DMD: variants seen among roughly 807,000 people sequenced by gnomAD.
DMD encodes dystrophin, also known as mutant dystrophin.
In DMD, 63 loss-of-function variants were observed where a neutral mutation model predicts 330.1. The observed-to-expected ratio is 0.19, with a 90% CI of 0.16 to 0.24. The LOEUF (loss-of-function observed/expected upper bound fraction) is 0.24, where lower values mean the gene tolerates loss of function less well. Among genes scored for constraint, DMD ranks in the 10% least tolerant of loss-of-function variants. The pLI is 1.00. For synonymous variants in DMD, 1,223 were observed against 959.8 expected (o/e 1.27, Z -5.07); for missense variants, 3,344 against 2,684.1 (o/e 1.25, Z -5.43).
chrX:31,683,310 A>G (rs932878039), intron 52 of DMD, among the ~76,000 whole-genome samples: 1 of 112,259 alleles, frequency 8.9e-6, no homozygotes, highest in African/African-American at 3.2e-5. Flanking sequence ...GGAAAACAAA[A>G]GGGTTTAAGA....
At chrX:31,579,039 G>C (rs4490987) in intron 55 of DMD, among the ~76,000 whole-genome samples, 1 of 111,719 alleles carries the variant, frequency 9.0e-6, no homozygotes, top group Non-Finnish European at 1.9e-5. Flanking sequence ...AGGCAGCTTA[G>C]AGTCTTCGGC....
At chrX:33,268,586 A>AC (rs1285293909) in intron 1 of DMD, among the ~76,000 whole-genome samples, 1 of 112,101 alleles carries the variant, frequency 8.9e-6, no homozygotes, top group Non-Finnish European at 1.9e-5. Flanking sequence ...GAAAAGCAAA[A>AC]CCACAATGAG....
At chrX:32,809,174 A>G (rs1458063561) in intron 7 of DMD, among the ~76,000 whole-genome samples, 1 of 111,942 alleles carries the variant, frequency 8.9e-6, no homozygotes, top group African/African-American at 3.2e-5. Flanking sequence ...TGGTAGCATA[A>G]GCAAAACATT....
chrX:32,905,325 A>C (rs939664542), intron 2 of DMD, among the ~76,000 whole-genome samples: 3 of 112,213 alleles, frequency 2.7e-5, no homozygotes, highest in Non-Finnish European at 5.6e-5. Context: ...TCCCCTTAGC[A>C]AAGAATCTAT....
intron 57 of DMD, among the ~76,000 whole-genome samples, chrX:31,493,888 G>A (rs749941885): frequency 1.4e-4 from 16 of 111,223 alleles, no homozygotes; most frequent in South Asian, 3.8e-4. Context: ...GGCCAGGTGC[G>A]GTGGCTCACG....
At chrX:31,792,728 G>C (rs1274683949) in intron 50 of DMD, among the ~76,000 whole-genome samples, 2 of 111,784 alleles carry the variant, frequency 1.8e-5, no homozygotes, top group East Asian at 5.7e-4. Flanking sequence ...GAGTGCATGA[G>C]CACTGGAGCA....
intron 18 of DMD, chrX:32,517,768 T>C: frequency 2.3e-6 from 1 of 431,762 alleles, no homozygotes; most frequent in Non-Finnish European, 4.1e-6. Flanking sequence ...AGTTAAATAA[T>C]ATGTAAGTTA....
chrX:31,351,523 C>T (rs1354586369), intron 60 of DMD, among the ~76,000 whole-genome samples: 4 of 109,064 alleles, frequency 3.7e-5, no homozygotes, highest in Non-Finnish European at 3.8e-5. Context: ...GTCAGGAGTT[C>T]GAGACCGGTC....
chrX:31,570,427 C>A (rs1478614420), intron 55 of DMD, among the ~76,000 whole-genome samples: 2 of 111,055 alleles, frequency 1.8e-5, no homozygotes, highest in Non-Finnish European at 3.8e-5. Context: ...ATTCTATTAT[C>A]TGGAAGTAAG....
chrX:32,192,392 C>A (rs988568301), intron 44 of DMD, among the ~76,000 whole-genome samples: 3 of 111,653 alleles, frequency 2.7e-5, no homozygotes, highest in African/African-American at 9.8e-5. Flanking sequence ...TGGCTAACCA[C>A]ATCTCTCAGC....
intron 61 of DMD, among the ~76,000 whole-genome samples, chrX:31,333,222 GAAAT>G (rs926522828): frequency 4.5e-5 from 5 of 110,890 alleles, no homozygotes; most frequent in African/African-American, 1.6e-4. Context: ...AATATTTTTA[GAAAT>G]AAATAAAACA....
In DMD at chrX:32,457,653, G is replaced by A. The variant is rs902262565; in HGVS notation, c.3433-2821C>T. ...TGAGCTTATATGCAGGTCAGTGGGA[G>A]TACTGCAACTTCTATTCTGATTGCT... On this transcript the variant is annotated intron_variant, in intron 25 of 78. Coordinates refer to ENST00000357033, the MANE Select transcript of DMD (RefSeq NM_004006.3). Among the ~76,000 whole-genome samples the A allele has an allele frequency of 4.6e-5, 5 of 109,385 alleles. No homozygotes were observed. In the East Asian group the frequency reaches 1.4e-3, roughly 32 times the overall value. 95.0% of individuals were successfully genotyped at this position (109,385 alleles called of 115,157 possible).
intron 7 of DMD, among the ~76,000 whole-genome samples, chrX:32,707,843 T>A (rs777051707): frequency 1.0e-3 from 116 of 111,804 alleles, no homozygotes; most frequent in Non-Finnish European, 2.0e-3. Context: ...TACAATTCTC[T>A]CGACATGCCT....
chrX:31,740,107 T>C (rs983371012), intron 51 of DMD, among the ~76,000 whole-genome samples: 1 of 111,320 alleles, frequency 9.0e-6, no homozygotes, highest in Non-Finnish European at 1.9e-5. Context: ...GTGGTGTAAA[T>C]TGCGGATCTT....
chrX:33,168,962 T>C (rs1295090445), intron 1 of DMD, among the ~76,000 whole-genome samples: 1 of 106,184 alleles, frequency 9.4e-6, no homozygotes, highest in East Asian at 2.9e-4. Flanking sequence ...AATTTCCAAA[T>C]AAGATAGATT....
chrX:31,247,460 C>T (rs971448323), intron 63 of DMD, among the ~76,000 whole-genome samples: 30 of 109,402 alleles, frequency 2.7e-4, no homozygotes, highest in African/African-American at 8.0e-4. Context: ...ATTAGCCGGG[C>T]GTAGTGGCAC....
intron 7 of DMD, among the ~76,000 whole-genome samples, chrX:32,777,026 A>G (rs1257663633): frequency 9.2e-6 from 1 of 108,932 alleles, no homozygotes; most frequent in Admixed American, 9.7e-5. Context: ...CCAGTTTTAT[A>G]GGGCGTGAGG....
At chrX:32,201,481 C>A (rs550495577) in intron 44 of DMD, among the ~76,000 whole-genome samples, 2 of 95,875 alleles carry the variant, frequency 2.1e-5, no homozygotes, top group Non-Finnish European at 4.3e-5. Context: ...CCCCCCCCCC[C>A]CCAACAAGGA....
At chrX:32,447,775 T>A (rs139381451) in intron 27 of DMD, among the ~76,000 whole-genome samples, 1 of 111,811 alleles carries the variant, frequency 8.9e-6, no homozygotes, top group African/African-American at 3.2e-5. Flanking sequence ...GCACAGTATT[T>A]TCATAAGAAA....
Sources: gnomAD v4.1 joint callset for allele counts (sites outside exome capture counted in the v4.1 genomes callset) on GRCh38, gnomAD v4.1.1 for gene constraint, MANE v1.5 for transcripts, NCBI Gene and HGNC (gene_info 2026-07-23, HGNC 2026-07-21) for gene names.